CFAP54: variants seen among roughly 807,000 people sequenced by gnomAD.
The protein encoded by CFAP54 is cilia and flagella associated protein 54.
Under a neutral mutation model 370.4 loss-of-function variants are expected in CFAP54, and 290 were observed. The ratio of observed to expected loss-of-function variants is 0.78; its 90% CI spans 0.71 to 0.86. CFAP54 has a LOEUF of 0.86. CFAP54 is among the 40% of genes least tolerant of loss of function. CFAP54 has a pLI of 0.00. For missense variants in CFAP54, 3,399 were observed against 3,528.7 expected, an observed-to-expected ratio of 0.96 and a Z score of 0.93; for synonymous variants, 1,206 against 1,236.5, an observed-to-expected ratio of 0.98 and a Z score of 0.52.
intron 45 of CFAP54, among the ~76,000 whole-genome samples, chr12:96,698,281 C>A (rs752545016): frequency 3.9e-5 from 6 of 152,002 alleles, no homozygotes; most frequent in Non-Finnish European, 7.4e-5. Flanking sequence ...GGATTATATT[C>A]AAATTAAGCC....
intron 9 of CFAP54, among the ~76,000 whole-genome samples, chr12:96,532,966 T>A (rs999063167): frequency 2.0e-5 from 3 of 152,094 alleles, no homozygotes; most frequent in African/African-American, 7.2e-5. Context: ...TTCTTCTTGG[T>A]ACAGCCAGAT....
intron 22 of CFAP54, among the ~76,000 whole-genome samples, chr12:96,583,180 ATTAG>A (rs1305124493): frequency 1.3e-5 from 2 of 152,164 alleles, no homozygotes; most frequent in East Asian, 1.9e-4. Context: ...GTAGAAGGCT[ATTAG>A]TTTAGTGTAT....
chr12:96,528,650 G>T (rs1234981282), intron 9 of CFAP54, among the ~76,000 whole-genome samples: 2 of 152,060 alleles, frequency 1.3e-5, no homozygotes, highest in Non-Finnish European at 2.9e-5. Context: ...TTTCTTTTCA[G>T]TATTGGTCAG....
At chr12:96,833,308 G>A (rs1271420959) in intron 66 of CFAP54, among the ~76,000 whole-genome samples, 1 of 152,176 alleles carries the variant, frequency 6.6e-6, no homozygotes, top group Non-Finnish European at 1.5e-5. Flanking sequence ...GACTGACCAT[G>A]GAATGGGCTA....
Position 96,764,134 on chromosome 12 carries a change from AT to A in CFAP54, c.8041-14del. On this transcript the variant is annotated splice_polypyrimidine_tract_variant and intron_variant, in intron 58 of 67. Coordinates refer to ENST00000524981, the MANE Select transcript of CFAP54 (RefSeq NM_001306084.2). ...ATCACAAAACTTTATATCATAACAC[AT>A]TTGCCATATTTTTAGCCTCCTCTCA... 6.4e-7 allele frequency: 1 copy of A among 1,551,498 alleles called. No homozygotes were observed. The highest frequency in any genetic ancestry group is 8.9e-7 in the Non-Finnish European group (1 of 1,126,306).
intron 65 of CFAP54, among the ~76,000 whole-genome samples, chr12:96,821,942 A>G (rs929978108): frequency 6.6e-6 from 1 of 152,162 alleles, no homozygotes; most frequent in East Asian, 1.9e-4. Flanking sequence ...GGTGCAGAAA[A>G]TGTGTCTTTG....
chr12:96,767,988 A>C (rs1300672763), intron 60 of CFAP54, among the ~76,000 whole-genome samples: 2 of 152,070 alleles, frequency 1.3e-5, no homozygotes, highest in African/African-American at 4.8e-5. Context: ...GCTTCTAGTC[A>C]TGGGCAATCA....
rs752115251 is a variant in CFAP54, at chr12:96,650,007, C to G, written c.4807C>G (p.Arg1603Gly). The G allele has an allele frequency of 6.2e-7, 1 of 1,613,578 alleles. No individual in the cohort carries two copies. Among genetic ancestry groups the G allele is most frequent in the Non-Finnish European group, 8.5e-7 (1 of 1,179,820 alleles). ...AGGTTCTAGTGCTAAAGAAAAGGACCGAGGAGCAAATTTGTGTGTAATGGA... is the reference window on the plus strand; with the variant it reads ...AGGTTCTAGTGCTAAAGAAAAGGACGGAGGAGCAAATTTGTGTGTAATGGA... The part of the protein sequence containing the change: ...QSGSSAKEKD[R>G]GANLCVMDHF... Residue 1603 changes from arginine (R) to glycine (G), a missense_variant, in exon 35 of 68, where the codon CGA (arginine) becomes GGA (glycine). By Grantham distance (125) the Arg-to-Gly change is moderately radical (BLOSUM62 -2). Around this residue, in one of 3 missense-constraint regions of CFAP54, gnomAD observed 2,796 missense variants for 2,869.7 expected, o/e 0.97. Transcript: ENST00000524981.
At chr12:96,803,717 A>G (rs1470706548) in intron 63 of CFAP54, among the ~76,000 whole-genome samples, 1 of 152,170 alleles carries the variant, frequency 6.6e-6, no homozygotes, top group Non-Finnish European at 1.5e-5. Flanking sequence ...CCAACAACAT[A>G]TATACACCCT....
At chr12:96,560,790 G>A (rs976159019) in intron 17 of CFAP54, among the ~76,000 whole-genome samples, 2 of 152,224 alleles carry the variant, frequency 1.3e-5, no homozygotes, top group Admixed American at 1.3e-4. Context: ...TGTTGGTGAT[G>A]TAGGAATGAA....
chr12:96,507,528 C>CAT (rs1186845424), intron 4 of CFAP54, among the ~76,000 whole-genome samples: 3 of 74,456 alleles, frequency 4.0e-5, no homozygotes, highest in Admixed American at 1.7e-4. Flanking sequence ...AACACACACA[C>CAT]ACACATACAC....
chr12:96,737,710 G>A (rs1361808148), intron 50 of CFAP54, among the ~76,000 whole-genome samples: 2 of 151,930 alleles, frequency 1.3e-5, no homozygotes, highest in Non-Finnish European at 2.9e-5. Flanking sequence ...GGCTGATCTC[G>A]AACTCCTGAC....
At chr12:96,607,277 A>G (rs754408450) in intron 26 of CFAP54, among the ~76,000 whole-genome samples, 2 of 152,072 alleles carry the variant, frequency 1.3e-5, no homozygotes, top group Non-Finnish European at 2.9e-5. Flanking sequence ...CAAGCCAGAC[A>G]CCAAAATCAT....
intron 46 of CFAP54, among the ~76,000 whole-genome samples, chr12:96,700,434 G>T (rs941639304): frequency 6.6e-6 from 1 of 152,058 alleles, no homozygotes; most frequent in Non-Finnish European, 1.5e-5. Flanking sequence ...ATAATTTCTG[G>T]TTAAGATTTT....
chr12:96,803,725 C>T (rs775256929), intron 63 of CFAP54, among the ~76,000 whole-genome samples: 35 of 152,092 alleles, frequency 2.3e-4, no homozygotes, highest in Non-Finnish European at 4.1e-4. Context: ...ATATATACAC[C>T]CTCAGGAAAA....
intron 39 of CFAP54, among the ~76,000 whole-genome samples, chr12:96,677,543 C>T (rs886302075): frequency 2.0e-5 from 3 of 152,070 alleles, no homozygotes; most frequent in African/African-American, 4.8e-5. Context: ...AGGAGGTCTG[C>T]CTGCCTGGGA....
intron 63 of CFAP54, among the ~76,000 whole-genome samples, chr12:96,800,641 T>C (rs1241576419): frequency 6.6e-6 from 1 of 152,192 alleles, no homozygotes. Flanking sequence ...ATGGGTGTAT[T>C]TAAGCATTCA....
chr12:96,762,417 C>T (rs560297551), intron 58 of CFAP54, among the ~76,000 whole-genome samples: 16 of 152,282 alleles, frequency 1.1e-4, no homozygotes, highest in Middle Eastern at 6.8e-3. Flanking sequence ...ACCCCTTGCC[C>T]GGGTTTTCTT....
At chr12:96,581,868 A>G (rs1045808134) in intron 22 of CFAP54, among the ~76,000 whole-genome samples, 33 of 152,296 alleles carry the variant, frequency 2.2e-4, no homozygotes, top group African/African-American at 7.9e-4. Context: ...TTATGGATAT[A>G]TAATAGTTTG....
Sources: gnomAD v4.1 joint callset for allele counts (sites outside exome capture counted in the v4.1 genomes callset) on GRCh38, gnomAD v4.1.1 for gene constraint, gnomAD v4.1.1 regional missense constraint, MANE v1.5 for transcripts, NCBI Gene and HGNC (gene_info 2026-07-23, HGNC 2026-07-21) for gene names.